KIRREL3: variants seen among roughly 807,000 people sequenced by gnomAD.
KIRREL3 encodes kin of IRRE-like protein 3.
In KIRREL3, 36 loss-of-function variants were observed where a neutral mutation model predicts 89.7. The ratio of observed to expected loss-of-function variants is 0.40; its 90% CI spans 0.31 to 0.53. The LOEUF (loss-of-function observed/expected upper bound fraction) is 0.53. KIRREL3 is among the 20% of genes least tolerant of loss of function. The pLI, the probability that KIRREL3 is intolerant of heterozygous loss-of-function variation, is 0.49. For missense variants in KIRREL3, 864 were observed against 1,056.6 expected (o/e 0.82, Z 2.53); for synonymous variants, 445 against 441.4 (o/e 1.01, Z -0.10).
rs1940862836 is a variant in KIRREL3, at chr11:126,570,734, T to C, written c.56-7822A>G. On this transcript the variant is annotated intron_variant, in intron 1 of 16. Transcript: ENST00000525144. The surrounding 1 kb of genome is among the most constrained non-coding windows in gnomAD (Gnocchi z 6.1). ...CAAGGCAGGCATTATCAGCAACTCC[T>C]CACCACCAGCTGTGGGGTCTAGAAT... is the stretch of plus-strand genomic sequence containing the variant. 6.6e-6 allele frequency among the ~76,000 whole-genome samples: 1 copy of C among 152,208 alleles called. No homozygotes were observed. Among genetic ancestry groups the C allele is most frequent in the African/African-American group, 2.4e-5 (1 of 41,450 alleles).
rs115401895 is a variant in KIRREL3 at position 126,557,550 on chromosome 11, T to C, written c.133+5285A>G. 0.011 allele frequency among the ~76,000 whole-genome samples: 1,726 copies of C among 152,288 alleles called. 41 individuals are homozygous for C. Among genetic ancestry groups the C allele is most frequent in the African/African-American group, 0.039 (1,609 of 41,554 alleles). On this transcript the variant is annotated intron_variant, in intron 2 of 16. Transcript: ENST00000525144. The surrounding 1 kb of genome is among the most constrained non-coding windows in gnomAD (Gnocchi z 5.6). ...ACTTGCCCAAGCTCACACAGCCGGC[T>C]CCTCACTCTTAAGTGCTCCTCCCAC... is the stretch of plus-strand genomic sequence containing the variant.
chr11:126,850,780 A>T (rs536401185), intron 1 of KIRREL3, among the ~76,000 whole-genome samples: 3 of 152,352 alleles, frequency 2.0e-5, no homozygotes, highest in Admixed American at 2.0e-4. Flanking sequence ...GAGGGGCCTC[A>T]GCTGTGCAGG....
chr11:127,003,342 C>T (rs1224523691), upstream of KIRREL3: 3 of 152,030 alleles, frequency 2.0e-5, no homozygotes, highest in Non-Finnish European at 4.4e-5. Flanking sequence ...GCCTCACCTC[C>T]TCCGGGGGCT....
chr11:126,727,687 G>A (rs4245068), intron 1 of KIRREL3, among the ~76,000 whole-genome samples: 112,559 of 152,180 alleles, frequency 0.74, 42,105 homozygotes, highest in East Asian at 0.98. Context: ...TCACAAAGTG[G>A]AGAATTCGAT....
rs1190531979 is a variant in KIRREL3 at position 126,429,136 on chromosome 11, G to T, written c.1806+43C>A. The T allele has an allele frequency of 2.3e-6, 3 of 1,302,874 alleles. No individual in the cohort carries two copies. The Admixed American group carries it at 5.3e-5, about 23-fold the overall frequency. The allele number at this position is 1,302,874 out of a possible 1,614,324, so 80.7% of individuals were successfully genotyped here. On this transcript the variant is annotated intron_variant, in intron 15 of 16. Transcript: ENST00000525144. This position sits in a 1 kb window ranked among gnomAD's most constrained non-coding sequence, Gnocchi z 5.2. ...AGCCTCTAGTCCCAGGACCTTCTGGGAATGGAGTCACGGGATGGGATGGGG... is the reference window on the plus strand; with the variant it reads ...AGCCTCTAGTCCCAGGACCTTCTGGTAATGGAGTCACGGGATGGGATGGGG...
rs970933645 is a variant in KIRREL3 at position 126,676,191 on chromosome 11, G to T, written c.56-113279C>A. On this transcript the variant is annotated intron_variant, in intron 1 of 16. Coordinates refer to ENST00000525144, the MANE Select transcript of KIRREL3 (RefSeq NM_032531.4). This position sits in a 1 kb window ranked among gnomAD's most constrained non-coding sequence, Gnocchi z 4.5. ...ACTTCATTAGAGATTACAAGCAGGG[G>T]TGTCATCAGCATCAAGGTGCTAGTA... Among the ~76,000 whole-genome samples, 1 of 152,148 alleles carries T rather than the reference G, an allele frequency of 6.6e-6. No individual in the cohort carries two copies. Among genetic ancestry groups the T allele is most frequent in the Non-Finnish European group, 1.5e-5 (1 of 68,034 alleles).
At chr11:126,586,045 C>G (rs907131712) in intron 1 of KIRREL3, among the ~76,000 whole-genome samples, 2 of 152,212 alleles carry the variant, frequency 1.3e-5, no homozygotes, top group Non-Finnish European at 2.9e-5. Context: ...CTCTTTACTT[C>G]CTCTCTTTAA....
intron 1 of KIRREL3, among the ~76,000 whole-genome samples, chr11:126,692,388 T>C (rs895783290): frequency 6.6e-6 from 1 of 151,144 alleles, no homozygotes. Flanking sequence ...CTATTAAAAA[T>C]ACAAAAATTA....
At chr11:126,806,107 A>G (rs540499144) in intron 1 of KIRREL3, among the ~76,000 whole-genome samples, 1 of 152,358 alleles carries the variant, frequency 6.6e-6, no homozygotes, top group Non-Finnish European at 1.5e-5. Flanking sequence ...TTAAACTGCA[A>G]AAAGACACAA....
intron 1 of KIRREL3, among the ~76,000 whole-genome samples, chr11:126,621,240 G>A (rs1437953836): frequency 6.6e-6 from 1 of 152,180 alleles, no homozygotes; most frequent in Non-Finnish European, 1.5e-5. Flanking sequence ...GGGATGGGGA[G>A]AACCCCTTTT....
At chr11:127,000,990 T>C (rs562676183), upstream of KIRREL3, 1 of 237,052 alleles carries the variant, frequency 4.2e-6, no homozygotes, top group South Asian at 1.8e-4. This position sits in a 1 kb window ranked among gnomAD's most constrained non-coding sequence, Gnocchi z 7.1. Context: ...TTTCCCTAAA[T>C]AGGGAAAAAT....
chr11:126,987,431 T>A lies in KIRREL3; in HGVS notation c.55+13024A>T, dbSNP rs995529125. Among the ~76,000 whole-genome samples, 1 of 152,238 alleles carries A rather than the reference T, an allele frequency of 6.6e-6. No homozygotes were observed. The highest frequency in any genetic ancestry group is 1.5e-5 in the Non-Finnish European group (1 of 68,048). ...ATAAGAGTGAAAGGTAGATTTCCTG[T>A]TATTTTCACAGACAAACAGGAGAGG... On this transcript the variant is annotated intron_variant, in intron 1 of 16. Transcript: ENST00000525144. This position sits in a 1 kb window ranked among gnomAD's most constrained non-coding sequence, Gnocchi z 4.6.
At chr11:126,823,267 A>C (rs1380011123) in intron 1 of KIRREL3, among the ~76,000 whole-genome samples, 1 of 152,196 alleles carries the variant, frequency 6.6e-6, no homozygotes, top group Non-Finnish European at 1.5e-5. Flanking sequence ...TGAAAGCATT[A>C]TACTTCAGCT....
rs377422534 is a variant in KIRREL3 at position 126,475,637 on chromosome 11, G to A, written c.434-2171C>T. Reference sequence around the variant, plus strand: ...CTGCCTGGCCCTGGGCTCTTGAGCCGGGAGGAAGCAGGCATGAATGGGATG... The same window carrying A: ...CTGCCTGGCCCTGGGCTCTTGAGCCAGGAGGAAGCAGGCATGAATGGGATG... On this transcript the variant is annotated intron_variant, in intron 4 of 16. Transcript: ENST00000525144. This position sits in a 1 kb window ranked among gnomAD's most constrained non-coding sequence, Gnocchi z 7.5. Among the ~76,000 whole-genome samples the A allele has an allele frequency of 2.0e-3, 304 of 152,194 alleles. 1 individual carries two copies. Among genetic ancestry groups the A allele is most frequent in the African/African-American group, 7.1e-3 (293 of 41,526 alleles).
Position 126,521,676 on chromosome 11 carries a change from ATGTGTGTGTGTGTGTGTGTGTGTG to A in KIRREL3, c.284-236_284-213del, listed in dbSNP as rs55838363. Among the ~76,000 whole-genome samples, 27,489 of 143,626 alleles carry A rather than the reference ATGTGTGTGTGTGTGTGTGTGTGTG, an allele frequency of 0.19. 2,827 individuals carry two copies. The highest frequency in any genetic ancestry group is 0.21 in the African/African-American group (8,262 of 38,712). 94.2% of individuals were successfully genotyped at this position (143,626 alleles called of 152,430 possible). A position where few individuals can be genotyped will look rare whatever the true frequency, so the allele number is the denominator to read the frequency against. On this transcript the variant is annotated intron_variant, in intron 3 of 16. Transcript: ENST00000525144. This position sits in a 1 kb window ranked among gnomAD's most constrained non-coding sequence, Gnocchi z 4.1. ...GTTGGTTCTCTCTCTCTCTCTCTGTATGTGTGTGTGTGTGTGTGTGTGTGTGTGTGTGTGTGTGTGTGTGTGTGT... is the reference window on the plus strand; with the variant it reads ...GTTGGTTCTCTCTCTCTCTCTCTGTATGTGTGTGTGTGTGTGTGTGTGTGT...
At position 126,526,042 on chromosome 11, in the gene KIRREL3, C is replaced by T. The variant is rs559755580; in HGVS notation, c.283+496G>A. Among the ~76,000 whole-genome samples, 69 of 152,300 alleles carry T rather than the reference C, an allele frequency of 4.5e-4. No individual in the cohort carries two copies. The highest frequency in any genetic ancestry group is 1.5e-3 in the African/African-American group (62 of 41,570). ...GAAATTTATTTTTAATACTTCCTGT[C>T]TTTTCTTCCCATCTCATGATGGCTC... On this transcript the variant is annotated intron_variant, in intron 3 of 16. Coordinates refer to ENST00000525144, the MANE Select transcript of KIRREL3 (RefSeq NM_032531.4). The surrounding 1 kb of genome is among the most constrained non-coding windows in gnomAD (Gnocchi z 5.7).
chr11:126,452,756 C>T (rs1159141381), intron 7 of KIRREL3, among the ~76,000 whole-genome samples: 1 of 152,208 alleles, frequency 6.6e-6, no homozygotes, highest in Non-Finnish European at 1.5e-5. Flanking sequence ...AGGACCGGAG[C>T]CGCTGTCGGG....
rs144632782 is a variant in KIRREL3, at chr11:126,878,748, C to T, written c.55+121707G>A. On this transcript the variant is annotated intron_variant, in intron 1 of 16. Transcript: ENST00000525144. ...CTGGGATTGGCAGGTCAAAGGGGTA[C>T]ATTAAATGTGATGGGAAACACATTC... 6.6e-4 allele frequency among the ~76,000 whole-genome samples: 100 copies of T among 152,136 alleles called. 1 individual carries two copies. The highest frequency in any genetic ancestry group is 2.2e-3 in the African/African-American group (92 of 41,498).
chr11:126,737,678 T>TAG lies in KIRREL3; in HGVS notation c.56-174768_56-174767dup, dbSNP rs555603753. 9.8e-4 allele frequency among the ~76,000 whole-genome samples: 149 copies of TAG among 152,318 alleles called. 2 individuals carry two copies. The South Asian group carries it at 0.028, about 29-fold the overall frequency. On this transcript the variant is annotated intron_variant, in intron 1 of 16. Coordinates refer to ENST00000525144, the MANE Select transcript of KIRREL3 (RefSeq NM_032531.4). ...ATTCTCCAGTAGAGGGGGGCATTTT[T>TAG]AGACACAGTGAGCTAGAGGAGGCTT...
Sources: allele counts gnomAD v4.1 joint callset (sites outside exome capture counted in the v4.1 genomes callset), GRCh38; gene constraint gnomAD v4.1.1; non-coding constraint Gnocchi (gnomAD v3.1); transcripts MANE v1.5; gene names NCBI Gene and HGNC (gene_info 2026-07-23, HGNC 2026-07-21).